The following UBE2R2 variants were observed in gnomAD, a reference collection of about 807,000 sequenced individuals.
UBE2R2 encodes ubiquitin conjugating enzyme E2 R2, also known as ubiquitin-conjugating enzyme E2 R2.
In UBE2R2, 1 loss-of-function variant was observed where a neutral mutation model predicts 27.8. The ratio of observed to expected loss-of-function variants is 0.04; its 90% CI spans 0.01 to 0.17. UBE2R2 has a LOEUF of 0.17. Among genes scored for constraint, UBE2R2 ranks in the 10% least tolerant of loss-of-function variants. The probability of loss-of-function intolerance (pLI) is 1.00; values close to 1 mark genes in which losing one functional copy is unlikely to be tolerated. For missense variants in UBE2R2, 100 were observed against 291.0 expected (o/e 0.34, Z 4.78); for synonymous variants, 106 against 113.3 (o/e 0.94, Z 0.41).
chr9:33,836,878 G>C (rs1587433631), intron 1 of UBE2R2, among the ~76,000 whole-genome samples: 1 of 152,086 alleles, frequency 6.6e-6, no homozygotes, highest in East Asian at 1.9e-4. Flanking sequence ...TTCTAGATTG[G>C]AAATCCTGTA....
At chr9:33,876,889 C>T (rs1026422879) in intron 1 of UBE2R2, among the ~76,000 whole-genome samples, 2 of 151,774 alleles carry the variant, frequency 1.3e-5, no homozygotes, top group Non-Finnish European at 2.9e-5. Context: ...GCACTCCAGC[C>T]TGGGCAATAG....
Position 33,886,863 on chromosome 9 carries a change from CA to C in UBE2R2, c.178-17del. 1.3e-6 allele frequency: 2 copies of C among 1,563,896 alleles called. No homozygotes were observed. The highest frequency in any genetic ancestry group is 1.7e-6 in the Non-Finnish European group (2 of 1,159,798). On this transcript the variant is annotated splice_polypyrimidine_tract_variant and intron_variant, in intron 1 of 4. Transcript: ENST00000263228. Reference sequence around the variant, plus strand: ...GTTATAGTCTCATTTATTAGCATTTCATTTTTTTTCTTTTCAGGCGCATATT... The same window carrying C: ...GTTATAGTCTCATTTATTAGCATTTCTTTTTTTTCTTTTCAGGCGCATATT...
At chr9:33,824,916 A>AT (rs1237056223) in intron 1 of UBE2R2, among the ~76,000 whole-genome samples, 1 of 151,530 alleles carries the variant, frequency 6.6e-6, no homozygotes, top group Non-Finnish European at 1.5e-5. Flanking sequence ...CTTTTGGTAA[A>AT]TTTTTTTTTA....
chr9:33,887,733 G>A (rs1346235954), intron 2 of UBE2R2, among the ~76,000 whole-genome samples: 3 of 152,092 alleles, frequency 2.0e-5, no homozygotes, highest in Admixed American at 6.6e-5. Flanking sequence ...GTGCAGTGGC[G>A]CAATCTCGCT....
intron 1 of UBE2R2, among the ~76,000 whole-genome samples, chr9:33,834,192 C>CT (rs144998603): frequency 0.27 from 37,776 of 140,928 alleles, 5,069 homozygotes; most frequent in South Asian, 0.41. Context: ...CTTGGAGCTT[C>CT]TTTTTTTTTT....
chr9:33,912,093 T>A lies in UBE2R2; in HGVS notation c.492T>A (p.Ile164=). The change falls in exon 4 of 5, where the codon ATT becomes ATA. Residue 164 remains isoleucine, a synonymous_variant. Transcript: ENST00000263228. ...GAAAAGACAAAGAATATGCTGAAAT[T>A]ATTAGGTAAGGTTTTTTTTTTTATT... The part of the protein sequence containing the change: ...SKGKDKEYAE[I]IRKQVSATKA... 6.2e-7 allele frequency: 1 copy of A among 1,603,802 alleles called. No homozygotes were observed. The highest frequency in any genetic ancestry group is 2.2e-5 in the East Asian group (1 of 44,812).
intron 1 of UBE2R2, among the ~76,000 whole-genome samples, chr9:33,885,329 GCTTTTC>G (rs1235425961): frequency 1.3e-5 from 2 of 152,168 alleles, no homozygotes; most frequent in Non-Finnish European, 2.9e-5. Flanking sequence ...GCCCAGCCCA[GCTTTTC>G]CTTAACGTTT....
chr9:33,891,048 T>G (rs1462270388), intron 2 of UBE2R2, among the ~76,000 whole-genome samples: 2 of 48,080 alleles, frequency 4.2e-5, no homozygotes, highest in African/African-American at 1.6e-4. Flanking sequence ...TGTTGTTGTG[T>G]TTTTTTGTTT....
chr9:33,875,312 A>C (rs757166292), intron 1 of UBE2R2, among the ~76,000 whole-genome samples: 1 of 152,196 alleles, frequency 6.6e-6, no homozygotes, highest in Non-Finnish European at 1.5e-5. Context: ...AATTACTAAG[A>C]TCTATAATGG....
intron 1 of UBE2R2, among the ~76,000 whole-genome samples, chr9:33,858,285 G>A (rs1184281566): frequency 2.0e-5 from 3 of 152,162 alleles, no homozygotes; most frequent in Non-Finnish European, 2.9e-5. Context: ...AGGAGAGACA[G>A]GAGACACCTT....
rs78535269 is a variant in UBE2R2 at position 33,843,803 on chromosome 9, C to A, written c.177+25869C>A. 7.9e-3 allele frequency among the ~76,000 whole-genome samples: 1,203 copies of A among 152,254 alleles called. 13 individuals are homozygous for A. Among genetic ancestry groups the A allele is most frequent in the African/African-American group, 0.026 (1,101 of 41,566 alleles). ...TTCTTGTTTTAACTTTTGTTTAAGA[C>A]AGGAAGTTTATAGAGATGTTTGACA... On this transcript the variant is annotated intron_variant, in intron 1 of 4. Transcript: ENST00000263228.
intron 1 of UBE2R2, among the ~76,000 whole-genome samples, chr9:33,835,413 C>A (rs1401300827): frequency 1.3e-5 from 2 of 152,062 alleles, no homozygotes; most frequent in Non-Finnish European, 2.9e-5. Context: ...TCCCAAAGTG[C>A]TGAGATTATA....
chr9:33,821,620 ATT>A (rs879400460), intron 1 of UBE2R2, among the ~76,000 whole-genome samples: 2 of 145,988 alleles, frequency 1.4e-5, no homozygotes, highest in Non-Finnish European at 1.5e-5. Flanking sequence ...ACAAAAAAAA[ATT>A]TTTTTTTTTT....
chr9:33,888,010 G>A (rs1015889559), intron 2 of UBE2R2, among the ~76,000 whole-genome samples: 21 of 152,160 alleles, frequency 1.4e-4, no homozygotes, highest in African/African-American at 4.3e-4. Flanking sequence ...ATCTCCAAAT[G>A]TTTTGGGGAT....
At chr9:33,877,119 A>C (rs1563997487) in intron 1 of UBE2R2, among the ~76,000 whole-genome samples, 1 of 150,744 alleles carries the variant, frequency 6.6e-6, no homozygotes, top group Non-Finnish European at 1.5e-5. Context: ...CTCCATCTTA[A>C]AAAAAAAAAC....
chr9:33,893,894 A>T (rs1210720782), intron 2 of UBE2R2, among the ~76,000 whole-genome samples: 1 of 151,792 alleles, frequency 6.6e-6, no homozygotes, highest in African/African-American at 2.4e-5. Context: ...GGCCTCCCAA[A>T]TGCTGGGATT....
chr9:33,848,994 C>T (rs77833047), intron 1 of UBE2R2, among the ~76,000 whole-genome samples: 92 of 151,924 alleles, frequency 6.1e-4, no homozygotes, highest in Admixed American at 1.2e-3. Flanking sequence ...CCGTGGCTCA[C>T]GCCTGTAATC....
At chr9:33,869,239 C>T (rs984083815) in intron 1 of UBE2R2, among the ~76,000 whole-genome samples, 4 of 151,946 alleles carry the variant, frequency 2.6e-5, no homozygotes, top group Non-Finnish European at 4.4e-5. Flanking sequence ...ACTGTACTCC[C>T]GCCAGGGCAA....
intron 1 of UBE2R2, among the ~76,000 whole-genome samples, chr9:33,886,567 A>G (rs1011379430): frequency 3.3e-5 from 5 of 151,256 alleles, no homozygotes; most frequent in African/African-American, 9.7e-5. Context: ...AGGCAGGAGA[A>G]TCGCTTGGAC....
Sources: gnomAD v4.1 joint callset for allele counts (sites outside exome capture counted in the v4.1 genomes callset) on GRCh38, gnomAD v4.1.1 for gene constraint, MANE v1.5 for transcripts, NCBI Gene and HGNC (gene_info 2026-07-23, HGNC 2026-07-21) for gene names.